CDK14: variants seen among roughly 807,000 people sequenced by gnomAD.
The protein encoded by CDK14 is cyclin dependent kinase 14.
CDK14 carries 34 observed loss-of-function variants against 60.7 expected under a neutral mutation model. The ratio of observed to expected loss-of-function variants is 0.56; its 90% confidence interval spans 0.43 to 0.75. The LOEUF (loss-of-function observed/expected upper bound fraction) is 0.75, where lower values mean the gene tolerates loss of function less well. Ranked by LOEUF, CDK14 falls within the 30% of genes least tolerant of loss-of-function variation. The pLI is 0.00. For missense variants in CDK14, 482 were observed against 564.1 expected (o/e 0.85, Z 1.47); for synonymous variants, 197 against 203.7 (o/e 0.97, Z 0.28).
chr7:91,141,237 G>A (rs1017850168), intron 14 of CDK14, among the ~76,000 whole-genome samples: 2 of 152,178 alleles, frequency 1.3e-5, no homozygotes, highest in African/African-American at 2.4e-5. Context: ...CCAGAAAATC[G>A]TCAGTGTGAC....
At chr7:90,976,966 TTTA>T (rs1365130105) in intron 9 of CDK14, among the ~76,000 whole-genome samples, 1 of 152,138 alleles carries the variant, frequency 6.6e-6, no homozygotes, top group Non-Finnish European at 1.5e-5. Flanking sequence ...ATCCCATTTG[TTTA>T]TTTTTACTTT....
chr7:90,765,957 G>A (rs1033647545), intron 4 of CDK14, among the ~76,000 whole-genome samples: 15 of 151,998 alleles, frequency 9.9e-5, no homozygotes, highest in Admixed American at 8.5e-4. Context: ...CCATGTAATT[G>A]GTCTTCCTGT....
chr7:90,731,706 G>A (rs1196927611), intron 3 of CDK14, among the ~76,000 whole-genome samples: 1 of 152,212 alleles, frequency 6.6e-6, no homozygotes, highest in African/African-American at 2.4e-5. Context: ...CTGAGACTTT[G>A]TTGAAGTTGC....
intron 6 of CDK14, among the ~76,000 whole-genome samples, chr7:90,873,009 T>A (rs951753517): frequency 6.6e-6 from 1 of 152,206 alleles, no homozygotes; most frequent in East Asian, 1.9e-4. Flanking sequence ...AAAAAGATAA[T>A]TCCTTTGGAA....
At chr7:90,863,145 A>G in intron 5 of CDK14, 30 bp from the exon 6 acceptor site, 2 of 1,248,788 alleles carry the variant, frequency 1.6e-6, no homozygotes, top group Non-Finnish European at 2.3e-6. Context: ...ATCCACGATA[A>G]ATTGTTTCTC....
At chr7:91,022,021 A>C (rs1248085957) in intron 10 of CDK14, among the ~76,000 whole-genome samples, 2 of 152,178 alleles carry the variant, frequency 1.3e-5, no homozygotes, top group Admixed American at 1.3e-4. Context: ...GGGGCCTGAC[A>C]GTCATCTCTC....
intron 2 of CDK14, among the ~76,000 whole-genome samples, chr7:90,611,620 G>A (rs981233580): frequency 1.3e-5 from 2 of 152,154 alleles, no homozygotes; most frequent in African/African-American, 4.8e-5. Flanking sequence ...TCTCTTCCTG[G>A]ACTTGGAGTA....
chr7:90,677,565 A>G (rs1042394297), intron 2 of CDK14, among the ~76,000 whole-genome samples: 1 of 152,146 alleles, frequency 6.6e-6, no homozygotes, highest in Non-Finnish European at 1.5e-5. Context: ...TCTTTTGTGT[A>G]TTCACTAAAG....
chr7:91,013,713 G>GT (rs1308857848), intron 10 of CDK14, among the ~76,000 whole-genome samples: 4 of 131,200 alleles, frequency 3.0e-5, no homozygotes, highest in Non-Finnish European at 6.3e-5. Flanking sequence ...TTTACCTTAA[G>GT]TTAAGAAAGA....
At chr7:90,733,140 TTA>T (rs1443337887) in intron 3 of CDK14, among the ~76,000 whole-genome samples, 2 of 152,220 alleles carry the variant, frequency 1.3e-5, no homozygotes, top group East Asian at 3.9e-4. Flanking sequence ...TTCCATGTAC[TTA>T]TGTGGTTTTG....
rs1397060010 is a variant in CDK14, at chr7:90,868,316, CAT to C, written c.639+5049_639+5050del. ...CTATATATATATACACACACACACA[CAT>C]ACACATACATACACACACATTAATG... On this transcript the variant is annotated intron_variant, in intron 6 of 14. Transcript: ENST00000380050. Among the ~76,000 whole-genome samples, 284 of 148,884 alleles carry C rather than the reference CAT, an allele frequency of 1.9e-3. 2 individuals carry two copies. Among genetic ancestry groups the C allele is most frequent in the African/African-American group, 6.7e-3 (272 of 40,612 alleles).
intron 2 of CDK14, among the ~76,000 whole-genome samples, chr7:90,626,083 A>C (rs1799870105): frequency 6.6e-6 from 1 of 152,188 alleles, no homozygotes; most frequent in East Asian, 1.9e-4. Flanking sequence ...CACTGGTAGC[A>C]CCATTCTTGA....
chr7:91,123,339 A>G (rs1179935661), intron 14 of CDK14, among the ~76,000 whole-genome samples: 2 of 151,960 alleles, frequency 1.3e-5, no homozygotes, highest in East Asian at 1.9e-4. Flanking sequence ...CCTATTAAAC[A>G]TCTGCAGTTT....
At chr7:90,866,832 A>T (rs2117233545) in intron 6 of CDK14, among the ~76,000 whole-genome samples, 1 of 152,314 alleles carries the variant, frequency 6.6e-6, no homozygotes, top group East Asian at 1.9e-4. Context: ...GAAGGTCATT[A>T]TTAAAGTGGT....
chr7:90,851,584 C>A (rs1562798263), intron 5 of CDK14, among the ~76,000 whole-genome samples: 1 of 152,096 alleles, frequency 6.6e-6, no homozygotes, highest in Non-Finnish European at 1.5e-5. Flanking sequence ...AGACTGTCCC[C>A]TCAACTGTTT....
At chr7:91,015,676 C>T (rs796803742) in intron 10 of CDK14, among the ~76,000 whole-genome samples, 50 of 151,430 alleles carry the variant, frequency 3.3e-4, no homozygotes, top group African/African-American at 1.0e-3. Flanking sequence ...TACAGGCACC[C>T]GCCACCATGC....
chr7:90,820,610 A>G (rs551912569), intron 5 of CDK14, among the ~76,000 whole-genome samples: 1 of 152,302 alleles, frequency 6.6e-6, no homozygotes, highest in South Asian at 2.1e-4. Flanking sequence ...TGAGTCAATT[A>G]AACCTCTTCT....
intron 2 of CDK14, among the ~76,000 whole-genome samples, chr7:90,636,471 C>T (rs1800152805): frequency 6.6e-6 from 1 of 151,770 alleles, no homozygotes; most frequent in South Asian, 2.1e-4. Context: ...GCCTTGCATC[C>T]CAGGGATGAA....
At chr7:90,835,686 A>G (rs1790071611) in intron 5 of CDK14, among the ~76,000 whole-genome samples, 1 of 152,160 alleles carries the variant, frequency 6.6e-6, no homozygotes, top group South Asian at 2.1e-4. Flanking sequence ...ATAGTAGTCC[A>G]GTGTACAGTA....
Sources: gnomAD v4.1 joint callset for allele counts (sites outside exome capture counted in the v4.1 genomes callset) on GRCh38, gnomAD v4.1.1 for gene constraint, MANE v1.5 for transcripts, NCBI Gene and HGNC (gene_info 2026-07-23, HGNC 2026-07-21) for gene names.